The following FYN variants were observed in gnomAD, a reference collection of about 807,000 sequenced individuals.
The protein encoded by FYN is FYN proto-oncogene, Src family tyrosine kinase, also known as tyrosine-protein kinase Fyn.
In FYN, 10 loss-of-function variants were observed where a neutral mutation model predicts 70.2. The ratio of observed to expected loss-of-function variants is 0.14; its 90% CI spans 0.09 to 0.24. The LOEUF (loss-of-function observed/expected upper bound fraction) is 0.24, where lower values mean the gene tolerates loss of function less well. Among genes scored for constraint, FYN ranks in the 10% least tolerant of loss-of-function variants. The pLI is 1.00. For missense variants in FYN, 319 were observed against 673.1 expected, an observed-to-expected ratio of 0.47 and a Z score of 5.82; for synonymous variants, 236 against 248.6, an observed-to-expected ratio of 0.95 and a Z score of 0.48.
intron 2 of FYN, among the ~76,000 whole-genome samples, chr6:111,838,361 T>C (rs1265377910): frequency 6.6e-6 from 1 of 152,182 alleles, no homozygotes; most frequent in African/African-American, 2.4e-5. Context: ...AAGACTATTA[T>C]GACAGATCAC....
chr6:111,803,260 G>T (rs1301082638), intron 2 of FYN, among the ~76,000 whole-genome samples: 1 of 152,184 alleles, frequency 6.6e-6, no homozygotes, highest in Non-Finnish European at 1.5e-5. Context: ...GCACTCCTCT[G>T]AAAGTATTAA....
Position 111,742,365 on chromosome 6 carries a change from C to T in FYN, c.-11-22303G>A, listed in dbSNP as rs535940033. Among the ~76,000 whole-genome samples, 30 of 152,290 alleles carry T rather than the reference C, an allele frequency of 2.0e-4. No individual in the cohort carries two copies. In the South Asian group the frequency reaches 6.2e-3, roughly 32 times the overall value. ...ATCTTCCAGTGTAGAAAAAAACACCCTTAAGAAATTGTAATACATCACGTT... is the reference window on the plus strand; with the variant it reads ...ATCTTCCAGTGTAGAAAAAAACACCTTTAAGAAATTGTAATACATCACGTT... On this transcript the variant is annotated intron_variant, in intron 3 of 13. Coordinates refer to ENST00000354650, the MANE Select transcript of FYN (RefSeq NM_002037.5).
intron 2 of FYN, among the ~76,000 whole-genome samples, chr6:111,833,459 CAGCATTTACTACTCAG>C (rs1218520733): frequency 3.3e-5 from 5 of 152,202 alleles, no homozygotes; most frequent in Non-Finnish European, 7.3e-5. Flanking sequence ...ACATGCTTGG[CAGCATTTACTACTCAG>C]AGCCCTGGAG....
intron 12 of FYN, among the ~76,000 whole-genome samples, chr6:111,680,009 G>C (rs189737822): frequency 6.6e-6 from 1 of 152,300 alleles, no homozygotes; most frequent in East Asian, 1.9e-4. Context: ...ATTCTTAATA[G>C]ACTGGGATGA....
At chr6:111,817,197 T>C (rs999332661) in intron 2 of FYN, among the ~76,000 whole-genome samples, 1 of 152,116 alleles carries the variant, frequency 6.6e-6, no homozygotes, top group African/African-American at 2.4e-5. Flanking sequence ...AATTTTCACC[T>C]TTTTCTATAT....
At chr6:111,705,436 A>T (rs1209121411) in intron 6 of FYN, among the ~76,000 whole-genome samples, 2 of 145,994 alleles carry the variant, frequency 1.4e-5, no homozygotes, top group African/African-American at 5.2e-5. Flanking sequence ...CCCAGGCTGG[A>T]GTGCAGTGGC....
chr6:111,830,282 T>C (rs895102546), intron 2 of FYN, among the ~76,000 whole-genome samples: 5 of 152,142 alleles, frequency 3.3e-5, no homozygotes, highest in African/African-American at 7.2e-5. Context: ...GGGATAACAG[T>C]GGTTTGAGAC....
At chr6:111,774,029 G>A (rs1201442773) in intron 3 of FYN, among the ~76,000 whole-genome samples, 2 of 152,226 alleles carry the variant, frequency 1.3e-5, no homozygotes, top group African/African-American at 4.8e-5. Flanking sequence ...TCAGGTGGAT[G>A]CGAGGCTGTG....
chr6:111,713,448 G>A (rs910463790), intron 5 of FYN, among the ~76,000 whole-genome samples: 2 of 152,078 alleles, frequency 1.3e-5, no homozygotes, highest in Non-Finnish European at 2.9e-5. Context: ...GAACTTCCTG[G>A]TGTGCCCCTC....
chr6:111,717,581 C>A (rs1800717644), intron 4 of FYN, among the ~76,000 whole-genome samples: 1 of 152,154 alleles, frequency 6.6e-6, no homozygotes, highest in South Asian at 2.1e-4. Context: ...CCTGCCTCAG[C>A]CTCCCGAGTA....
At chr6:111,719,685 T>G (rs1800840126) in intron 4 of FYN, 120 bp downstream of exon 4, 2 of 1,141,114 alleles carry the variant, frequency 1.8e-6, no homozygotes, top group Non-Finnish European at 2.5e-6. Context: ...AGGAGACAGA[T>G]TAGAAACTTA....
rs535539733 is a variant in FYN, at chr6:111,816,680, G to A, written c.-82+29909C>T. Among the ~76,000 whole-genome samples the A allele has an allele frequency of 2.9e-4, 44 of 152,302 alleles. 1 individual carries two copies. The highest frequency in any genetic ancestry group is 1.1e-3 in the African/African-American group (44 of 41,584). On this transcript the variant is annotated intron_variant, in intron 2 of 13. Transcript: ENST00000354650. Reference sequence around the variant, plus strand: ...GATGACCAATAAAAACTATTATCATGAGAATATGGAGTAACTGGCATCATC... The same window carrying A: ...GATGACCAATAAAAACTATTATCATAAGAATATGGAGTAACTGGCATCATC...
intron 2 of FYN, chr6:111,793,589 G>C (rs1288053593): frequency 6.6e-6 from 1 of 152,148 alleles, no homozygotes; most frequent in African/African-American, 2.4e-5. Context: ...CATAATTTCT[G>C]TCAGTCTGAA....
chr6:111,674,183 T>C (rs1426088187), intron 13 of FYN, among the ~76,000 whole-genome samples: 2 of 152,178 alleles, frequency 1.3e-5, no homozygotes, highest in African/African-American at 4.8e-5. Context: ...GCCAGTGACA[T>C]TTCTGCTCTG....
chr6:111,786,462 A>T (rs201766686), intron 2 of FYN, among the ~76,000 whole-genome samples: 1 of 152,152 alleles, frequency 6.6e-6, no homozygotes, highest in Non-Finnish European at 1.5e-5. Context: ...TCTATCATTG[A>T]TGGACATTTG....
intron 2 of FYN, among the ~76,000 whole-genome samples, chr6:111,797,373 T>C (rs1771838769): frequency 6.6e-6 from 1 of 152,086 alleles, no homozygotes; most frequent in African/African-American, 2.4e-5. Context: ...TTTTTGCTTT[T>C]AATTTAGAAT....
At chr6:111,872,049 A>G (rs945227369) in intron 1 of FYN, among the ~76,000 whole-genome samples, 1 of 152,194 alleles carries the variant, frequency 6.6e-6, no homozygotes, top group Non-Finnish European at 1.5e-5. Context: ...CTCTCTATGC[A>G]CTGAAAGGGC....
intron 1 of FYN, among the ~76,000 whole-genome samples, chr6:111,847,311 A>C (rs2114481261): frequency 6.6e-6 from 1 of 152,294 alleles, no homozygotes. Flanking sequence ...TTAATCTTTA[A>C]AGTGCCAGGA....
intron 13 of FYN, among the ~76,000 whole-genome samples, chr6:111,673,672 G>T (rs1798412079): frequency 7.2e-6 from 1 of 138,666 alleles, no homozygotes; most frequent in Non-Finnish European, 1.5e-5. Flanking sequence ...CAGGGAATGA[G>T]GGGGAGCTAT....
Sources: gnomAD v4.1 joint callset for allele counts (sites outside exome capture counted in the v4.1 genomes callset) on GRCh38, gnomAD v4.1.1 for gene constraint, MANE v1.5 for transcripts, NCBI Gene and HGNC (gene_info 2026-07-23, HGNC 2026-07-21) for gene names.